Variants in FGGY observed in about 807,000 individuals in gnomAD.
The protein encoded by FGGY is FGGY carbohydrate kinase domain-containing protein.
FGGY carries 72 observed loss-of-function variants against 71.3 expected under a neutral mutation model. The observed-to-expected ratio is 1.01, with a 90% CI of 0.84 to 1.23. The LOEUF (loss-of-function observed/expected upper bound fraction) is 1.23. Ranked by LOEUF, FGGY falls within the 50% of genes most tolerant of loss-of-function variation. FGGY has a pLI of 0.00. For missense variants in FGGY, 668 were observed against 682.3 expected, an observed-to-expected ratio of 0.98 and a Z score of 0.23; for synonymous variants, 251 against 250.3, an observed-to-expected ratio of 1.00 and a Z score of -0.02.
chr1:59,460,358 C>G (rs1451234215), intron 6 of FGGY, among the ~76,000 whole-genome samples: 1 of 152,180 alleles, frequency 6.6e-6, no homozygotes, highest in Admixed American at 6.5e-5. Context: ...GAGAGGCTTC[C>G]ACCATTGCTG....
chr1:59,731,885 A>T (rs114804532), intron 14 of FGGY, among the ~76,000 whole-genome samples: 1 of 152,064 alleles, frequency 6.6e-6, no homozygotes, highest in African/African-American at 2.4e-5. Flanking sequence ...TGCCCTGTTT[A>T]TCCTAGGTTT....
At chr1:59,661,653 A>T (rs567088899) in intron 12 of FGGY, among the ~76,000 whole-genome samples, 1 of 152,254 alleles carries the variant, frequency 6.6e-6, no homozygotes, top group African/African-American at 2.4e-5. Context: ...TATAATAATA[A>T]TGATGATTAT....
chr1:59,611,020 C>G, intron 9 of FGGY, among the ~76,000 whole-genome samples: 1 of 152,324 alleles, frequency 6.6e-6, no homozygotes, highest in African/African-American at 2.4e-5. Context: ...CCTGGAAGCT[C>G]TAACTGGGTG....
chr1:59,592,784 G>T (rs2096467627), intron 8 of FGGY, among the ~76,000 whole-genome samples: 1 of 139,392 alleles, frequency 7.2e-6, no homozygotes, highest in Non-Finnish European at 1.5e-5. Context: ...GGGGACTGTT[G>T]TGGGGTGGGG....
intron 4 of FGGY, among the ~76,000 whole-genome samples, chr1:59,364,419 A>C (rs1312247606): frequency 1.3e-5 from 2 of 152,328 alleles, no homozygotes; most frequent in African/African-American, 2.4e-5. Flanking sequence ...GAAAAAAGAG[A>C]AACTGGGACA....
At chr1:59,469,709 A>G (rs1313263685) in intron 6 of FGGY, among the ~76,000 whole-genome samples, 1 of 151,914 alleles carries the variant, frequency 6.6e-6, no homozygotes. Flanking sequence ...TAAGCCTAGT[A>G]CCCGTTATTT....
chr1:59,380,102 G>A (rs556255078), intron 5 of FGGY, among the ~76,000 whole-genome samples: 4 of 151,948 alleles, frequency 2.6e-5, no homozygotes, highest in East Asian at 1.9e-4. Flanking sequence ...AGCTTCATCC[G>A]TGTCCCTCCA....
intron 8 of FGGY, among the ~76,000 whole-genome samples, chr1:59,587,611 C>A (rs577366683): frequency 2.0e-5 from 3 of 152,248 alleles, no homozygotes; most frequent in Admixed American, 2.0e-4. Flanking sequence ...TCCAGAGGAA[C>A]GATCAGACAG....
At chr1:59,477,643 A>G (rs2093320147) in intron 6 of FGGY, among the ~76,000 whole-genome samples, 1 of 152,170 alleles carries the variant, frequency 6.6e-6, no homozygotes, top group African/African-American at 2.4e-5. Flanking sequence ...AAATTTTCAT[A>G]CGCTTTTAGC....
chr1:59,412,680 T>C (rs140096010), intron 5 of FGGY, among the ~76,000 whole-genome samples: 10 of 152,310 alleles, frequency 6.6e-5, no homozygotes, highest in African/African-American at 1.2e-4. Flanking sequence ...ATTGAGACTT[T>C]CCCTGTGTGA....
chr1:59,303,662 T>G (rs1412771953), intron 1 of FGGY, among the ~76,000 whole-genome samples: 1 of 152,170 alleles, frequency 6.6e-6, no homozygotes, highest in Non-Finnish European at 1.5e-5. Flanking sequence ...TTTTATTATT[T>G]TGAGGAACTT....
At chr1:59,415,677 CG>C (rs542185605) in intron 5 of FGGY, among the ~76,000 whole-genome samples, 33 of 152,290 alleles carry the variant, frequency 2.2e-4, no homozygotes, top group African/African-American at 5.3e-4. Flanking sequence ...CACTGTTTTG[CG>C]GTTTTCTCCA....
intron 14 of FGGY, among the ~76,000 whole-genome samples, chr1:59,677,450 C>T (rs1484649316): frequency 6.6e-6 from 1 of 152,182 alleles, no homozygotes; most frequent in African/African-American, 2.4e-5. Flanking sequence ...TTTTGGTAGA[C>T]TCAACCAGAG....
chr1:59,490,177 A>G (rs996234146), intron 6 of FGGY, among the ~76,000 whole-genome samples: 16 of 152,084 alleles, frequency 1.1e-4, no homozygotes, highest in African/African-American at 3.9e-4. Context: ...CAGCTTCCCA[A>G]GTAGCTGAGA....
intron 13 of FGGY, 57 bp from the exon 14 acceptor site, chr1:59,673,982 C>CTCCT (rs1453278073): frequency 3.3e-6 from 5 of 1,515,172 alleles, no homozygotes; most frequent in Non-Finnish European, 4.5e-6. Flanking sequence ...TGCTTGTTGG[C>CTCCT]TCCTCACACT....
intron 7 of FGGY, among the ~76,000 whole-genome samples, chr1:59,535,907 A>G (rs1012246868): frequency 6.8e-6 from 1 of 147,732 alleles, no homozygotes; most frequent in Non-Finnish European, 1.5e-5. Context: ...ACACCGTAAC[A>G]TCACAATTAA....
chr1:59,420,584 C>T (rs910355735), intron 5 of FGGY, among the ~76,000 whole-genome samples: 5 of 152,092 alleles, frequency 3.3e-5, no homozygotes, highest in African/African-American at 1.2e-4. Context: ...GAGACTGACT[C>T]CAGGGCATTT....
At chr1:59,576,669 G>GAC (rs1558407580) in intron 8 of FGGY, among the ~76,000 whole-genome samples, 7 of 132,580 alleles carry the variant, frequency 5.3e-5, no homozygotes, top group Non-Finnish European at 4.8e-5. Context: ...CAGACAGACA[G>GAC]ACAGACAGAC....
intron 1 of FGGY, among the ~76,000 whole-genome samples, chr1:59,316,656 A>G (rs543135697): frequency 6.6e-6 from 1 of 152,310 alleles, no homozygotes; most frequent in East Asian, 1.9e-4. Context: ...AATGAACTGT[A>G]TAAATATTTA....
Sources: allele counts gnomAD v4.1 joint callset (sites outside exome capture counted in the v4.1 genomes callset), GRCh38; gene constraint gnomAD v4.1.1; transcripts MANE v1.5; gene names NCBI Gene and HGNC (gene_info 2026-07-23, HGNC 2026-07-21).